ARHGEF12: variants seen among roughly 807,000 people sequenced by gnomAD.
The protein encoded by ARHGEF12 is Rho guanine nucleotide exchange factor 12.
In ARHGEF12, 66 loss-of-function variants were observed where a neutral mutation model predicts 211.2. The ratio of observed to expected loss-of-function variants is 0.31; its 90% CI spans 0.26 to 0.38. ARHGEF12 has a LOEUF of 0.38. Among genes scored for constraint, ARHGEF12 ranks in the 10% least tolerant of loss-of-function variants. The probability of loss-of-function intolerance (pLI) is 1.00; values close to 1 mark genes in which losing one functional copy is unlikely to be tolerated. For synonymous variants in ARHGEF12, 592 were observed against 638.4 expected, an observed-to-expected ratio of 0.93 and a Z score of 1.09; for missense variants, 1,429 against 1,869.5, an observed-to-expected ratio of 0.76 and a Z score of 4.34.
At chr11:120,394,237 T>A in intron 1 of ARHGEF12, among the ~76,000 whole-genome samples, 1 of 151,764 alleles carries the variant, frequency 6.6e-6, no homozygotes. Context: ...TTTTTTTTTT[T>A]AAGACAGGGT....
intron 1 of ARHGEF12, among the ~76,000 whole-genome samples, chr11:120,391,054 T>C (rs1041195464): frequency 6.6e-6 from 1 of 152,222 alleles, no homozygotes; most frequent in African/African-American, 2.4e-5. Context: ...ATGGATGATG[T>C]GTTTGAAGCT....
chr11:120,447,672 G>A (rs889294903), intron 18 of ARHGEF12, among the ~76,000 whole-genome samples: 1 of 152,092 alleles, frequency 6.6e-6, no homozygotes, highest in Non-Finnish European at 1.5e-5. Context: ...CCCAAAATTA[G>A]CCAGGCATGG....
chr11:120,379,787 A>G (rs919237962), intron 1 of ARHGEF12, among the ~76,000 whole-genome samples: 2 of 151,862 alleles, frequency 1.3e-5, no homozygotes, highest in African/African-American at 4.8e-5. Flanking sequence ...GATAAACCCC[A>G]TTTGGTTTAT....
intron 5 of ARHGEF12, among the ~76,000 whole-genome samples, chr11:120,421,133 A>G (rs1209520293): frequency 1.3e-5 from 2 of 152,182 alleles, no homozygotes; most frequent in Non-Finnish European, 2.9e-5. Flanking sequence ...CTGAAATTTC[A>G]GTTTTCCATG....
intron 1 of ARHGEF12, among the ~76,000 whole-genome samples, chr11:120,345,077 A>G (rs935833205): frequency 1.3e-5 from 2 of 152,106 alleles, no homozygotes; most frequent in South Asian, 4.1e-4. Flanking sequence ...AGCTTGTCCA[A>G]CCTGCCTTAT....
intron 13 of ARHGEF12, among the ~76,000 whole-genome samples, 162 bp from the exon 14 acceptor site, chr11:120,441,545 C>A (rs999104317): frequency 6.6e-6 from 1 of 152,120 alleles, no homozygotes; most frequent in Non-Finnish European, 1.5e-5. Context: ...GAAAGAGATT[C>A]CATAGCTTCT....
intron 15 of ARHGEF12, among the ~76,000 whole-genome samples, chr11:120,442,619 C>T (rs1237857703): frequency 6.6e-6 from 1 of 151,842 alleles, no homozygotes; most frequent in Non-Finnish European, 1.5e-5. Flanking sequence ...ATAATTTTAA[C>T]TAAAAAGTGG....
At chr11:120,455,942 A>T (rs1320963779) in intron 22 of ARHGEF12, among the ~76,000 whole-genome samples, 5 of 152,254 alleles carry the variant, frequency 3.3e-5, no homozygotes, top group Non-Finnish European at 7.3e-5. Flanking sequence ...ATCTTTAGCA[A>T]TTGATGGTGT....
chr11:120,485,084 A>G lies in ARHGEF12; in HGVS notation c.*7A>G. On this transcript the variant is annotated 3_prime_UTR_variant, in exon 41 of 41. Transcript: ENST00000397843. ...CTTCTCAGATAAAAGTTAGAGCCGC[A>G]TGTCCTGGAGGTGACTGCAGGTTGT... 3 of 1,613,578 alleles carry G rather than the reference A, an allele frequency of 1.9e-6. No individual in the cohort carries two copies. The highest frequency in any genetic ancestry group is 1.7e-6 in the Non-Finnish European group (2 of 1,179,754).
At chr11:120,391,196 G>T (rs1192816654) in intron 1 of ARHGEF12, among the ~76,000 whole-genome samples, 1 of 152,086 alleles carries the variant, frequency 6.6e-6, no homozygotes, top group East Asian at 1.9e-4. Flanking sequence ...TTACTGTATT[G>T]TTCCTTACCT....
chr11:120,455,147 C>T (rs1412665190), intron 22 of ARHGEF12, among the ~76,000 whole-genome samples: 2 of 152,112 alleles, frequency 1.3e-5, no homozygotes, highest in Non-Finnish European at 2.9e-5. Flanking sequence ...CTACAGAGAG[C>T]CAACATCTGT....
chr11:120,474,395 G>A (rs968276339), intron 31 of ARHGEF12, among the ~76,000 whole-genome samples, 165 bp from the exon 32 acceptor site: 6 of 152,090 alleles, frequency 3.9e-5, no homozygotes, highest in African/African-American at 1.4e-4. Context: ...ACTTTAATAT[G>A]GCTTTTGTGC....
At chr11:120,445,697 G>A (rs1316769829) in intron 16 of ARHGEF12, among the ~76,000 whole-genome samples, 1 of 151,796 alleles carries the variant, frequency 6.6e-6, no homozygotes, top group Non-Finnish European at 1.5e-5. Flanking sequence ...TCAAGAGTTC[G>A]AGACCAGCCT....
chr11:120,470,221 T>C (rs1946828955), intron 30 of ARHGEF12, among the ~76,000 whole-genome samples: 2 of 152,232 alleles, frequency 1.3e-5, no homozygotes, highest in Non-Finnish European at 1.5e-5. Context: ...ACTAGTACTC[T>C]ATGGAGAATG....
chr11:120,469,650 T>C (rs939682930), intron 30 of ARHGEF12, among the ~76,000 whole-genome samples: 4 of 152,222 alleles, frequency 2.6e-5, no homozygotes, highest in African/African-American at 9.6e-5. Flanking sequence ...GAACATCTAC[T>C]GTATGCTGGG....
chr11:120,446,574 G>C lies in ARHGEF12; in HGVS notation c.1451+66G>C, dbSNP rs533548. The C allele has an allele frequency of 1.2e-3, 1,557 of 1,287,430 alleles. 4 individuals are homozygous for C. The highest frequency in any genetic ancestry group is 1.4e-3 in the Non-Finnish European group (1,265 of 919,814). 79.8% of individuals were successfully genotyped at this position (1,287,430 alleles called of 1,614,324 possible). On this transcript the variant is annotated intron_variant, in intron 17 of 40. Transcript: ENST00000397843. Reference sequence around the variant, plus strand: ...AATTAATTTTTTTAGTTAAGAAAAAGTTGCTCATTAAATACTTAGCTTAGC... The same window carrying C: ...AATTAATTTTTTTAGTTAAGAAAAACTTGCTCATTAAATACTTAGCTTAGC...
At chr11:120,374,106 C>CA (rs1943662315) in intron 1 of ARHGEF12, among the ~76,000 whole-genome samples, 1 of 152,078 alleles carries the variant, frequency 6.6e-6, no homozygotes, top group Non-Finnish European at 1.5e-5. Context: ...CGCACCCGGC[C>CA]AAAAAATGTA....
chr11:120,359,854 A>G (rs7941017), intron 1 of ARHGEF12, among the ~76,000 whole-genome samples: 2 of 152,214 alleles, frequency 1.3e-5, no homozygotes, highest in Non-Finnish European at 2.9e-5. Context: ...TGAAGGGATG[A>G]AAGTTGAAAG....
intron 1 of ARHGEF12, among the ~76,000 whole-genome samples, chr11:120,341,015 C>T (rs1023749841): frequency 3.3e-5 from 5 of 152,164 alleles, no homozygotes; most frequent in African/African-American, 1.2e-4. Context: ...TACCACTTAA[C>T]ACATTGGTGG....
Sources: gnomAD v4.1 joint callset for allele counts (sites outside exome capture counted in the v4.1 genomes callset) on GRCh38, gnomAD v4.1.1 for gene constraint, MANE v1.5 for transcripts, NCBI Gene and HGNC (gene_info 2026-07-23, HGNC 2026-07-21) for gene names.